Variants in EHBP1 observed in about 807,000 individuals in gnomAD.
The protein encoded by EHBP1 is EH domain-binding protein 1.
In EHBP1, 55 loss-of-function variants were observed where a neutral mutation model predicts 144.0. The observed-to-expected ratio is 0.38, with a 90% confidence interval of 0.31 to 0.48. The LOEUF (loss-of-function observed/expected upper bound fraction) is 0.48, where lower values mean the gene tolerates loss of function less well. EHBP1 is among the 20% of genes least tolerant of loss of function. The pLI, the probability that EHBP1 is intolerant of heterozygous loss-of-function variation, is 0.98. For synonymous variants in EHBP1, 469 were observed against 472.7 expected (o/e 0.99, Z 0.10); for missense variants, 1,200 against 1,364.2 (o/e 0.88, Z 1.90).
chr2:62,738,611 T>A (rs554614745), intron 2 of EHBP1, among the ~76,000 whole-genome samples: 4 of 152,306 alleles, frequency 2.6e-5, no homozygotes, highest in African/African-American at 9.6e-5. Flanking sequence ...GGACCTTTTT[T>A]CACTGCTGTA....
chr2:62,926,382 A>G (rs2055511498), intron 10 of EHBP1, among the ~76,000 whole-genome samples: 1 of 152,188 alleles, frequency 6.6e-6, no homozygotes, highest in Non-Finnish European at 1.5e-5. Context: ...AGAAAACAGC[A>G]GAGTGAAAAG....
At chr2:62,961,800 G>C (rs888847862) in intron 14 of EHBP1, among the ~76,000 whole-genome samples, 18 of 152,136 alleles carry the variant, frequency 1.2e-4, no homozygotes, top group Non-Finnish European at 2.6e-4. Context: ...CACTTTGGGA[G>C]GCTGAGGCAG....
At chr2:62,871,033 C>T (rs971260459) in intron 9 of EHBP1, among the ~76,000 whole-genome samples, 3 of 151,966 alleles carry the variant, frequency 2.0e-5, no homozygotes, top group East Asian at 1.9e-4. Context: ...AAAAGTTGGC[C>T]GAACACTTGG....
intron 10 of EHBP1, among the ~76,000 whole-genome samples, chr2:62,879,596 C>T (rs111870953): frequency 9.2e-5 from 13 of 140,960 alleles, no homozygotes; most frequent in Non-Finnish European, 1.9e-4. Flanking sequence ...CACACAGAGA[C>T]AGAGAGAGAG....
upstream of EHBP1, among the ~76,000 whole-genome samples, chr2:62,701,447 G>A (rs1347419970): frequency 1.3e-5 from 2 of 152,114 alleles, no homozygotes; most frequent in Admixed American, 6.5e-5. Context: ...GGTTAGAGGC[G>A]AACAGTGCAG....
chr2:63,024,621 A>G lies in EHBP1; in HGVS notation c.3104-12914A>G, dbSNP rs968368936. Among the ~76,000 whole-genome samples, 10 of 151,922 alleles carry G rather than the reference A, an allele frequency of 6.6e-5. No individual in the cohort carries two copies. In the East Asian group the frequency reaches 9.7e-4, roughly 15 times the overall value. Reference sequence around the variant, plus strand: ...TGTCTCAAAAAAAAAAAAAAAAAAAAAATTAGATGGAGTCAAAATTTAACA... The same window carrying G: ...TGTCTCAAAAAAAAAAAAAAAAAAAGAATTAGATGGAGTCAAAATTTAACA... On this transcript the variant is annotated intron_variant, in intron 19 of 22. Coordinates refer to ENST00000431489, the MANE Select transcript of EHBP1 (RefSeq NM_001142616.3).
intron 20 of EHBP1, among the ~76,000 whole-genome samples, chr2:63,038,010 A>T (rs2061514183): frequency 6.6e-6 from 1 of 152,156 alleles, no homozygotes; most frequent in Admixed American, 6.5e-5. Context: ...TAAGGACAAA[A>T]GTACATTTAT....
intron 2 of EHBP1, among the ~76,000 whole-genome samples, chr2:62,746,540 C>T (rs1386622408): frequency 6.6e-6 from 1 of 151,848 alleles, no homozygotes; most frequent in East Asian, 1.9e-4. Flanking sequence ...AAGCTTTTAT[C>T]TAAGATTTTT....
intron 5 of EHBP1, among the ~76,000 whole-genome samples, chr2:62,790,846 G>A (rs767892811): frequency 1.3e-4 from 19 of 151,926 alleles, no homozygotes; most frequent in Non-Finnish European, 2.4e-4. Flanking sequence ...ATTGTCTCTT[G>A]TGTTTTATCT....
chr2:62,798,999 G>A (rs1434526928), intron 5 of EHBP1, among the ~76,000 whole-genome samples: 17 of 90,222 alleles, frequency 1.9e-4, no homozygotes, highest in Non-Finnish European at 2.3e-4. Context: ...GCAAGACTCC[G>A]TCTCAAAAAA....
chr2:62,797,264 A>G (rs560220427), intron 5 of EHBP1, among the ~76,000 whole-genome samples: 3 of 152,274 alleles, frequency 2.0e-5, no homozygotes, highest in Admixed American at 2.0e-4. Flanking sequence ...TGTTGCTTGT[A>G]TTATAATTTG....
chr2:63,014,784 C>T (rs1004016187), intron 19 of EHBP1, among the ~76,000 whole-genome samples: 3 of 152,178 alleles, frequency 2.0e-5, no homozygotes, highest in African/African-American at 7.2e-5. Flanking sequence ...TCAAGACCAG[C>T]CTGACCAACA....
intron 21 of EHBP1, among the ~76,000 whole-genome samples, chr2:63,039,634 A>G (rs2061580823): frequency 6.6e-6 from 1 of 152,148 alleles, no homozygotes; most frequent in African/African-American, 2.4e-5. Context: ...TTCACCTGAT[A>G]AGGTACCTGA....
In EHBP1 at chr2:62,841,285, A is replaced by C. The variant is rs566505822; in HGVS notation, c.634+10127A>C. On this transcript the variant is annotated intron_variant, in intron 7 of 22. Transcript: ENST00000431489. ...TATTCTCACTCATAGGTGGGAACTG[A>C]ACAATGAGATCACATGGACACAGGA... 2.4e-3 allele frequency among the ~76,000 whole-genome samples: 354 copies of C among 147,340 alleles called. 1 individual carries two copies. Among genetic ancestry groups the C allele is most frequent in the African/African-American group, 8.5e-3 (337 of 39,678 alleles).
At position 62,951,814 on chromosome 2, in the gene EHBP1, C is replaced by T. The variant is rs148212824; in HGVS notation, c.2316+2652C>T. ...TACTGGGATTACAGGTGTGAGCCAC[C>T]GCGCCTGGCCAGATTTTTCTTGAAA... On this transcript the variant is annotated intron_variant, in intron 13 of 22. Coordinates refer to ENST00000431489, the MANE Select transcript of EHBP1 (RefSeq NM_001142616.3). 8.4e-3 allele frequency among the ~76,000 whole-genome samples: 1,283 copies of T among 152,100 alleles called. 7 individuals carry two copies. The highest frequency in any genetic ancestry group is 0.013 in the Non-Finnish European group (884 of 67,978).
intron 5 of EHBP1, among the ~76,000 whole-genome samples, chr2:62,772,503 C>G (rs2041749721): frequency 6.6e-6 from 1 of 152,166 alleles, no homozygotes; most frequent in Non-Finnish European, 1.5e-5. Context: ...TGTTAACATT[C>G]CTTCTCTCCA....
chr2:62,858,609 T>C, intron 7 of EHBP1: 1 of 756,826 alleles, frequency 1.3e-6, no homozygotes, highest in Non-Finnish European at 2.2e-6. Flanking sequence ...GTCAGTTTTG[T>C]CTTTGTGCTT....
At chr2:62,929,700 A>G (rs2055829421) in intron 10 of EHBP1, among the ~76,000 whole-genome samples, 1 of 152,192 alleles carries the variant, frequency 6.6e-6, no homozygotes, top group African/African-American at 2.4e-5. Context: ...CATAGTATTG[A>G]AAGTCCTAGC....
At chr2:62,817,023 T>A (rs981060181) in intron 5 of EHBP1, among the ~76,000 whole-genome samples, 2 of 152,164 alleles carry the variant, frequency 1.3e-5, no homozygotes, top group African/African-American at 4.8e-5. Flanking sequence ...TATAAAGGAA[T>A]GTGCAAAAAA....
Sources: allele counts gnomAD v4.1 joint callset (sites outside exome capture counted in the v4.1 genomes callset), GRCh38; gene constraint gnomAD v4.1.1; transcripts MANE v1.5; gene names NCBI Gene and HGNC (gene_info 2026-07-23, HGNC 2026-07-21).